RNF144B: variants seen among roughly 807,000 people sequenced by gnomAD.
The protein encoded by RNF144B is ring finger protein 144B.
Under a neutral mutation model 40.2 loss-of-function variants are expected in RNF144B, and 25 were observed. The ratio of observed to expected loss-of-function variants is 0.62; its 90% CI spans 0.45 to 0.87. The LOEUF (loss-of-function observed/expected upper bound fraction) is 0.87. Among genes scored for constraint, RNF144B ranks in the 40% least tolerant of loss-of-function variants. RNF144B has a pLI of 0.00. For synonymous variants in RNF144B, 145 were observed against 136.3 expected (o/e 1.06, Z -0.44); for missense variants, 365 against 373.7 (o/e 0.98, Z 0.19).
intron 4 of RNF144B, among the ~76,000 whole-genome samples, chr6:18,453,899 A>G (rs967948761): frequency 2.6e-5 from 4 of 152,186 alleles, no homozygotes; most frequent in Admixed American, 2.6e-4. Context: ...GCTGCAAGGA[A>G]CAGAATGCCT....
rs146963923 is a variant in RNF144B at position 18,418,842 on chromosome 6, A to G, written c.166-8739A>G. On this transcript the variant is annotated intron_variant, in intron 2 of 7. Coordinates refer to ENST00000259939, the MANE Select transcript of RNF144B (RefSeq NM_182757.4). This position sits in a 1 kb window ranked among gnomAD's most constrained non-coding sequence, Gnocchi z 5.2. Reference sequence around the variant, plus strand: ...AATGCTATATATATAATATACACTGACACCTGGATCCTTCTCTTAGAGAGT... The same window carrying G: ...AATGCTATATATATAATATACACTGGCACCTGGATCCTTCTCTTAGAGAGT... 3.3e-3 allele frequency among the ~76,000 whole-genome samples: 509 copies of G among 152,040 alleles called. 7 individuals carry two copies. The highest frequency in any genetic ancestry group is 0.012 in the African/African-American group (488 of 41,488).
chr6:18,387,692 C>G, intron 1 of RNF144B, 62 bp downstream of exon 1: 3 of 1,247,216 alleles, frequency 2.4e-6, no homozygotes, highest in South Asian at 2.6e-5. Context: ...TGTTGCTGGA[C>G]TAAGGAAAAA....
At chr6:18,435,944 G>A (rs1758810031) in intron 3 of RNF144B, among the ~76,000 whole-genome samples, 1 of 151,600 alleles carries the variant, frequency 6.6e-6, no homozygotes, top group African/African-American at 2.4e-5. Context: ...AATGGATGCA[G>A]CACACCAACA....
chr6:18,458,958 T>C lies in RNF144B; in HGVS notation c.537-649T>C, dbSNP rs150820202. On this transcript the variant is annotated intron_variant, in intron 5 of 7. Transcript: ENST00000259939. This position sits in a 1 kb window ranked among gnomAD's most constrained non-coding sequence, Gnocchi z 4.8. Reference sequence around the variant, plus strand: ...TGCTCAACCTGTAATAACTGTCTTATGACAATATGAGGTTATTGTTCATAC... The same window carrying C: ...TGCTCAACCTGTAATAACTGTCTTACGACAATATGAGGTTATTGTTCATAC... 2.4e-4 allele frequency among the ~76,000 whole-genome samples: 36 copies of C among 152,340 alleles called. No homozygotes were observed. The highest frequency in any genetic ancestry group is 4.1e-4 in the Non-Finnish European group (28 of 68,024).
chr6:18,438,906 T>G (rs1160615135), intron 3 of RNF144B, among the ~76,000 whole-genome samples: 2 of 152,332 alleles, frequency 1.3e-5, no homozygotes, highest in East Asian at 1.9e-4. Context: ...CTTTAAGTTA[T>G]GTCAATATAT....
chr6:18,428,895 GAGTAGA>G (rs1418247016), intron 3 of RNF144B, among the ~76,000 whole-genome samples: 3 of 152,152 alleles, frequency 2.0e-5, no homozygotes, highest in Non-Finnish European at 2.9e-5. Flanking sequence ...ACGTGGCTTT[GAGTAGA>G]ATTAGGTTGG....
chr6:18,427,809 G>T, intron 3 of RNF144B, 124 bp downstream of exon 3: 1 of 639,074 alleles, frequency 1.6e-6, no homozygotes, highest in Non-Finnish European at 2.7e-6. Flanking sequence ...CTTTTTAAAG[G>T]AGCACTTTAT....
At chr6:18,449,234 A>T (rs1311849685) in intron 4 of RNF144B, among the ~76,000 whole-genome samples, 2 of 152,238 alleles carry the variant, frequency 1.3e-5, no homozygotes, top group Non-Finnish European at 2.9e-5. Flanking sequence ...GAAATCTTTC[A>T]GATCAAAACT....
At position 18,419,423 on chromosome 6, in the gene RNF144B, C is replaced by T. The variant is rs9367998; in HGVS notation, c.166-8158C>T. Among the ~76,000 whole-genome samples the T allele has an allele frequency of 1.3e-5, 2 of 152,048 alleles. No homozygotes were observed. The highest frequency in any genetic ancestry group is 2.4e-5 in the African/African-American group (1 of 41,386). ...AACTGGTTCTATATAGCAAATGAGG[C>T]GACCCAGGAAGAAAGTGTAGAAAGA... On this transcript the variant is annotated intron_variant, in intron 2 of 7. Coordinates refer to ENST00000259939, the MANE Select transcript of RNF144B (RefSeq NM_182757.4). This position sits in a 1 kb window ranked among gnomAD's most constrained non-coding sequence, Gnocchi z 4.6.
At chr6:18,431,930 T>G (rs1174577409) in intron 3 of RNF144B, among the ~76,000 whole-genome samples, 2 of 152,212 alleles carry the variant, frequency 1.3e-5, no homozygotes, top group Non-Finnish European at 2.9e-5. Context: ...GCCTCCTTAG[T>G]GACGCACTTA....
At chr6:18,387,670 A>T (rs1562036045) in intron 1 of RNF144B, 40 bp downstream of exon 1, 1 of 1,285,222 alleles carries the variant, frequency 7.8e-7, no homozygotes, top group Admixed American at 2.3e-5. Context: ...AGGCGTTGCA[A>T]GACCGGAATG....
chr6:18,396,363 C>T (rs1039092996), intron 1 of RNF144B: 3 of 946,034 alleles, frequency 3.2e-6, no homozygotes, highest in Non-Finnish European at 3.8e-6. Context: ...CCAATTATGT[C>T]TTTGTTTTTC....
In RNF144B at chr6:18,446,249, G is replaced by A. The variant is rs772872590; in HGVS notation, c.331+6505G>A. On this transcript the variant is annotated intron_variant, in intron 4 of 7. Transcript: ENST00000259939. This position sits in a 1 kb window ranked among gnomAD's most constrained non-coding sequence, Gnocchi z 4.7. ...TATAAGACAAAACTATTCTCTTAATGGGATACTGGAATTATAATACATTTC... is the reference window on the plus strand; with the variant it reads ...TATAAGACAAAACTATTCTCTTAATAGGATACTGGAATTATAATACATTTC... 4.6e-5 allele frequency among the ~76,000 whole-genome samples: 7 copies of A among 152,050 alleles called. No homozygotes were observed. The highest frequency in any genetic ancestry group is 7.4e-5 in the Non-Finnish European group (5 of 68,008).
Position 18,398,673 on chromosome 6 carries a change from C to T in RNF144B, c.-36-826C>T, listed in dbSNP as rs1176303219. Among the ~76,000 whole-genome samples the T allele has an allele frequency of 6.6e-6, 1 of 152,184 alleles. No homozygotes were observed. The highest frequency in any genetic ancestry group is 1.5e-5 in the Non-Finnish European group (1 of 68,030). ...CCTCCCACAGTGCTGGGATTACAGG[C>T]ATGAGCCACTGCGCCCAGCCTCATT... On this transcript the variant is annotated intron_variant, in intron 1 of 7. Coordinates refer to ENST00000259939, the MANE Select transcript of RNF144B (RefSeq NM_182757.4). This position sits in a 1 kb window ranked among gnomAD's most constrained non-coding sequence, Gnocchi z 5.0.
intron 2 of RNF144B, among the ~76,000 whole-genome samples, chr6:18,409,612 C>G (rs1794995159): frequency 7.9e-6 from 1 of 126,624 alleles, no homozygotes; most frequent in African/African-American, 2.9e-5. Flanking sequence ...CTCTTGTCCC[C>G]CAGGCTGGAG....
At position 18,406,497 on chromosome 6, in the gene RNF144B, T is replaced by C. The variant is rs1441789067; in HGVS notation, c.165+6798T>C. On this transcript the variant is annotated intron_variant, in intron 2 of 7. Coordinates refer to ENST00000259939, the MANE Select transcript of RNF144B (RefSeq NM_182757.4). This position sits in a 1 kb window ranked among gnomAD's most constrained non-coding sequence, Gnocchi z 4.2. ...GTGTGTGTGTGTGTGTGTGTGTGTGTGTGTAGGGGGAGTAGTAGGAGATGA... is the reference window on the plus strand; with the variant it reads ...GTGTGTGTGTGTGTGTGTGTGTGTGCGTGTAGGGGGAGTAGTAGGAGATGA... Among the ~76,000 whole-genome samples the C allele has an allele frequency of 4.9e-5, 5 of 102,560 alleles. No homozygotes were observed. The highest frequency in any genetic ancestry group is 1.1e-4 in the Admixed American group (1 of 9,416). 67.3% of individuals were successfully genotyped at this position (102,560 alleles called of 152,430 possible). A position where few individuals can be genotyped will look rare whatever the true frequency, so the allele number is the denominator to read the frequency against.
rs1384050932 is a variant in RNF144B at position 18,422,656 on chromosome 6, G to A, written c.166-4925G>A. On this transcript the variant is annotated intron_variant, in intron 2 of 7. Coordinates refer to ENST00000259939, the MANE Select transcript of RNF144B (RefSeq NM_182757.4). This position sits in a 1 kb window ranked among gnomAD's most constrained non-coding sequence, Gnocchi z 4.7. The stretch of plus-strand genomic sequence containing the variant: ...TCCAGAAGCATCTAAGATCCTGGAA[G>A]TCAACTTAAATTTTCAATGAATGGG... Among the ~76,000 whole-genome samples the A allele has an allele frequency of 6.6e-6, 1 of 152,174 alleles. No homozygotes were observed. Among genetic ancestry groups the A allele is most frequent in the Non-Finnish European group, 1.5e-5 (1 of 68,034 alleles).
intron 3 of RNF144B, among the ~76,000 whole-genome samples, chr6:18,439,306 C>A (rs1469125610): frequency 1.3e-5 from 2 of 152,220 alleles, no homozygotes; most frequent in South Asian, 2.1e-4. Context: ...AAAGCTAGAA[C>A]TTTAATTTCA....
Position 18,464,805 on chromosome 6 carries a change from T to A in RNF144B, c.772-122T>A, listed in dbSNP as rs1341392819. 3 of 953,890 alleles carry A rather than the reference T, an allele frequency of 3.1e-6. No individual in the cohort carries two copies. The highest frequency in any genetic ancestry group is 4.8e-6 in the Non-Finnish European group (3 of 630,190). The allele number at this position is 953,890 out of a possible 1,614,324, so 59.1% of individuals were successfully genotyped here. A position where few individuals can be genotyped will look rare whatever the true frequency, so the allele number is the denominator to read the frequency against. On this transcript the variant is annotated intron_variant, in intron 7 of 7. Coordinates refer to ENST00000259939, the MANE Select transcript of RNF144B (RefSeq NM_182757.4). The surrounding 1 kb of genome is among the most constrained non-coding windows in gnomAD (Gnocchi z 6.1). ...ACCGTCACATCGGGGATTTAGGGTT[T>A]CAACATATGAGCTTCAGGGGGACAC... is the stretch of plus-strand genomic sequence containing the variant.
Sources: allele counts gnomAD v4.1 joint callset (sites outside exome capture counted in the v4.1 genomes callset), GRCh38; gene constraint gnomAD v4.1.1; non-coding constraint Gnocchi (gnomAD v3.1); transcripts MANE v1.5; gene names NCBI Gene and HGNC (gene_info 2026-07-23, HGNC 2026-07-21).